Variants in XRCC5 observed in about 807,000 individuals in gnomAD.
The protein encoded by XRCC5 is X-ray repair cross complementing 5, also known as DNA repair protein Ku80.
XRCC5 carries 12 observed loss-of-function variants against 95.7 expected under a neutral mutation model. That is an observed-to-expected ratio of 0.13 (90% CI 0.08 to 0.20). The LOEUF (loss-of-function observed/expected upper bound fraction) is 0.20, where lower values mean the gene tolerates loss of function less well. Ranked by LOEUF, XRCC5 falls within the 10% of genes least tolerant of loss-of-function variation. XRCC5 has a pLI of 1.00. For missense variants in XRCC5, 595 were observed against 873.9 expected (o/e 0.68, Z 4.02); for synonymous variants, 281 against 290.3 (o/e 0.97, Z 0.33).
intron 16 of XRCC5, among the ~76,000 whole-genome samples, chr2:216,163,324 T>A (rs917121620): frequency 7.9e-5 from 12 of 152,046 alleles, no homozygotes; most frequent in Admixed American, 5.9e-4. Context: ...TTCTTTTTCT[T>A]TTTTTTGGGG....
intron 19 of XRCC5, among the ~76,000 whole-genome samples, chr2:216,201,714 C>T (rs1355260320): frequency 6.6e-6 from 1 of 152,174 alleles, no homozygotes; most frequent in African/African-American, 2.4e-5. Context: ...ACTCCTACCC[C>T]TTTCTGCAGA....
chr2:216,162,442 C>T (rs1243422539), intron 16 of XRCC5, among the ~76,000 whole-genome samples: 1 of 149,916 alleles, frequency 6.7e-6, no homozygotes, highest in Non-Finnish European at 1.5e-5. Context: ...TCTCTTGTTG[C>T]CCAGGCTGGA....
At chr2:216,186,430 G>A (rs191116647) in intron 16 of XRCC5, among the ~76,000 whole-genome samples, 43 of 152,248 alleles carry the variant, frequency 2.8e-4, no homozygotes, top group Admixed American at 5.2e-4. Context: ...TTCTAAATCT[G>A]GATAACATTT....
At chr2:216,187,859 T>C (rs545124072) in intron 16 of XRCC5, among the ~76,000 whole-genome samples, 2,598 of 110,342 alleles carry the variant, frequency 0.024, 212 homozygotes, top group African/African-American at 0.1. Flanking sequence ...TCTCTCTCTC[T>C]CTCCCCGTCT....
chr2:216,155,253 A>G (rs2106023530), intron 14 of XRCC5, among the ~76,000 whole-genome samples: 1 of 151,244 alleles, frequency 6.6e-6, no homozygotes, highest in East Asian at 1.9e-4. Flanking sequence ...AAAAAAAAAA[A>G]AAGACAAGGA....
intron 19 of XRCC5, among the ~76,000 whole-genome samples, chr2:216,198,942 T>C (rs904343004): frequency 6.6e-5 from 10 of 151,900 alleles, no homozygotes; most frequent in Admixed American, 6.5e-5. Context: ...TGGGGAGAAT[T>C]GCAGAGGAAG....
chr2:216,143,173 A>C (rs1166640425), intron 13 of XRCC5, among the ~76,000 whole-genome samples: 2 of 152,230 alleles, frequency 1.3e-5, no homozygotes, highest in African/African-American at 4.8e-5. Context: ...GTTCTACTGA[A>C]TGAGTATCGC....
intron 10 of XRCC5, among the ~76,000 whole-genome samples, chr2:216,134,043 T>C (rs548113166): frequency 6.6e-6 from 1 of 152,342 alleles, no homozygotes; most frequent in Non-Finnish European, 1.5e-5. Flanking sequence ...AGAATTATTT[T>C]GTCAACAAGG....
Position 216,127,693 on chromosome 2 carries a change from T to C in XRCC5, c.937+19T>C, listed in dbSNP as rs769276565. ...ATTCAAGGTATGTCAGTAAGAGTTTTCACTGTTGCCTAAAAGACATTTTCT... is the reference window on the plus strand; with the variant it reads ...ATTCAAGGTATGTCAGTAAGAGTTTCCACTGTTGCCTAAAAGACATTTTCT... On this transcript the variant is annotated intron_variant, in intron 8 of 20. Transcript: ENST00000392132. 8.2e-6 allele frequency: 13 copies of C among 1,578,552 alleles called. No individual in the cohort carries two copies. Among genetic ancestry groups the C allele is most frequent in the Admixed American group, 7.8e-5 (4 of 51,116 alleles).
intron 14 of XRCC5, among the ~76,000 whole-genome samples, chr2:216,152,107 C>T (rs938736755): frequency 2.0e-5 from 3 of 152,182 alleles, no homozygotes; most frequent in Admixed American, 6.5e-5. Context: ...ACTTCCCACC[C>T]GCTCTCTCCC....
At chr2:216,139,654 G>A (rs1268910234) in intron 12 of XRCC5, among the ~76,000 whole-genome samples, 1 of 152,020 alleles carries the variant, frequency 6.6e-6, no homozygotes, top group Non-Finnish European at 1.5e-5. Flanking sequence ...CTACAGGTAC[G>A]CGCCACCGTG....
intron 15 of XRCC5, among the ~76,000 whole-genome samples, chr2:216,160,924 G>T (rs1199446384): frequency 6.6e-6 from 1 of 151,936 alleles, no homozygotes; most frequent in Non-Finnish European, 1.5e-5. Flanking sequence ...TTACTCCTGG[G>T]CTCAAGCAAT....
chr2:216,125,771 GGTT>G (rs757901402), intron 6 of XRCC5, 143 bp from the exon 7 acceptor site: 51 of 611,516 alleles, frequency 8.3e-5, no homozygotes, highest in Non-Finnish European at 1.2e-4. Context: ...CCCAACTTGT[GGTT>G]GTTGTTTTCC....
chr2:216,178,551 G>A (rs1689320431), intron 16 of XRCC5, among the ~76,000 whole-genome samples: 1 of 152,144 alleles, frequency 6.6e-6, no homozygotes, highest in Non-Finnish European at 1.5e-5. Flanking sequence ...AAAGAAAAAG[G>A]TGTACACCAA....
intron 14 of XRCC5, among the ~76,000 whole-genome samples, chr2:216,159,278 G>A (rs1456861993): frequency 6.6e-6 from 1 of 152,138 alleles, no homozygotes; most frequent in African/African-American, 2.4e-5. Flanking sequence ...CAGCTTAAGG[G>A]AGATTACAGG....
In XRCC5 at chr2:216,114,013, GAA is replaced by G. The variant is rs570491750; in HGVS notation, c.135+886_135+887del. ...AGAGTAGCCTGCAAATACAAGGAGA[GAA>G]AGAACGGATGGTGGCTATCTTGGAG... On this transcript the variant is annotated intron_variant, in intron 2 of 20. Transcript: ENST00000392132. Among the ~76,000 whole-genome samples the G allele has an allele frequency of 4.5e-3, 687 of 152,296 alleles. 4 individuals carry two copies. The highest frequency in any genetic ancestry group is 9.5e-3 in the South Asian group (46 of 4,832).
chr2:216,175,924 C>G lies in XRCC5; in HGVS notation c.1834+13876C>G, dbSNP rs41302464. On this transcript the variant is annotated intron_variant, in intron 16 of 20. Coordinates refer to ENST00000392132, the MANE Select transcript of XRCC5 (RefSeq NM_021141.4). Reference sequence around the variant, plus strand: ...TCAGACCACCAATAAACAATTTTCTCAGCCGCGCTGGATTCCTTTGGATCA... The same window carrying G: ...TCAGACCACCAATAAACAATTTTCTGAGCCGCGCTGGATTCCTTTGGATCA... 1.3e-5 allele frequency: 5 copies of G among 387,228 alleles called. No individual in the cohort carries two copies. In the East Asian group the frequency reaches 3.3e-4, roughly 26 times the overall value. 24.0% of individuals were successfully genotyped at this position (387,228 alleles called of 1,614,324 possible).
intron 4 of XRCC5, 106 bp from the exon 5 acceptor site, chr2:216,118,937 T>C: frequency 8.3e-7 from 1 of 1,198,868 alleles, no homozygotes; most frequent in South Asian, 1.4e-5. Context: ...ATTTATTAAC[T>C]CTAGATCCAT....
chr2:216,160,613 A>G (rs1336353949), intron 15 of XRCC5, among the ~76,000 whole-genome samples: 1 of 152,204 alleles, frequency 6.6e-6, no homozygotes, highest in Non-Finnish European at 1.5e-5. Flanking sequence ...ATCCTTTGAT[A>G]CATGAGATTT....
Sources: allele counts gnomAD v4.1 joint callset (sites outside exome capture counted in the v4.1 genomes callset), GRCh38; gene constraint gnomAD v4.1.1; transcripts MANE v1.5; gene names NCBI Gene and HGNC (gene_info 2026-07-23, HGNC 2026-07-21).